The following CNOT1 variants were observed in gnomAD, a reference collection of about 807,000 sequenced individuals.
CNOT1 encodes CCR4-associated factor 1.
CNOT1 carries 15 observed loss-of-function variants against 273.8 expected under a neutral mutation model. The observed-to-expected ratio is 0.05, with a 90% confidence interval of 0.04 to 0.08. The LOEUF is 0.08. CNOT1 is among the 10% of genes least tolerant of loss of function. The pLI is 1.00. For missense variants in CNOT1, 1,644 were observed against 2,912.2 expected (o/e 0.56, Z 10.02); for synonymous variants, 1,022 against 1,005.5 (o/e 1.02, Z -0.31).
At chr16:58,588,656 G>T in intron 3 of CNOT1, 143 bp downstream of exon 3, 1 of 1,129,054 alleles carries the variant, frequency 8.9e-7, no homozygotes. Flanking sequence ...AGAAAAAAAA[G>T]GAAAAATCTA....
At chr16:58,592,429 C>A (rs566460910) in intron 2 of CNOT1, among the ~76,000 whole-genome samples, 1 of 151,924 alleles carries the variant, frequency 6.6e-6, no homozygotes, top group East Asian at 1.9e-4. Flanking sequence ...ATTATATAAA[C>A]AAGCTGGGTG....
chr16:58,545,982 T>C (rs37041), intron 29 of CNOT1, among the ~76,000 whole-genome samples: 37,485 of 152,104 alleles, frequency 0.25, 5,039 homozygotes, highest in East Asian at 0.38. Flanking sequence ...GGTCTGGCCA[T>C]ACCCAGATTT....
intron 1 of CNOT1, among the ~76,000 whole-genome samples, chr16:58,622,755 G>A (rs2043398832): frequency 1.3e-5 from 2 of 151,220 alleles, no homozygotes; most frequent in Non-Finnish European, 2.9e-5. Context: ...GCTGAGGCAG[G>A]ATCGTCTCTT....
At chr16:58,531,655 C>T (rs2039781964) in intron 42 of CNOT1, among the ~76,000 whole-genome samples, 1 of 151,898 alleles carries the variant, frequency 6.6e-6, no homozygotes, top group African/African-American at 2.4e-5. Flanking sequence ...ATAAATCATT[C>T]CTGTATATAA....
intron 21 of CNOT1, among the ~76,000 whole-genome samples, chr16:58,554,217 A>AG (rs1336630901): frequency 6.6e-6 from 1 of 152,152 alleles, no homozygotes; most frequent in African/African-American, 2.4e-5. Context: ...TAAAAAAAAA[A>AG]ACAGACTACT....
chr16:58,561,772 T>A (rs2040849603), intron 16 of CNOT1, among the ~76,000 whole-genome samples: 3 of 152,186 alleles, frequency 2.0e-5, no homozygotes, highest in African/African-American at 7.2e-5. Context: ...AAATGGTTTT[T>A]AAAAAATTTT....
Position 58,626,111 on chromosome 16 carries a change from T to C in CNOT1, c.-175+3617A>G, listed in dbSNP as rs543360215. On this transcript the variant is annotated intron_variant, in intron 1 of 48. Coordinates refer to ENST00000317147, the MANE Select transcript of CNOT1 (RefSeq NM_016284.5). Reference sequence around the variant, plus strand: ...TTGAAAGTCTTTTCTTTTATAAAAGTATATACCAAGTTCAGGCCGGGTGCT... The same window carrying C: ...TTGAAAGTCTTTTCTTTTATAAAAGCATATACCAAGTTCAGGCCGGGTGCT... Among the ~76,000 whole-genome samples, 12 of 152,178 alleles carry C rather than the reference T, an allele frequency of 7.9e-5. No individual in the cohort carries two copies. In the South Asian group the frequency reaches 2.5e-3, roughly 32 times the overall value.
intron 1 of CNOT1, among the ~76,000 whole-genome samples, chr16:58,604,112 G>A (rs924306135): frequency 1.3e-5 from 2 of 152,134 alleles, no homozygotes; most frequent in Admixed American, 6.6e-5. Context: ...ACAATTACAT[G>A]AGAATAGACA....
rs950736232 is a variant in CNOT1 at position 58,557,104 on chromosome 16, CTTACT to C, written c.2333-116_2333-112del. 300 of 1,361,762 alleles carry C rather than the reference CTTACT, an allele frequency of 2.2e-4. 1 individual carries two copies. Among genetic ancestry groups the C allele is most frequent in the Admixed American group, 9.0e-4 (31 of 34,384 alleles). The allele number at this position is 1,361,762 out of a possible 1,614,324, so 84.4% of individuals were successfully genotyped here. On this transcript the variant is annotated intron_variant, in intron 18 of 48. Coordinates refer to ENST00000317147, the MANE Select transcript of CNOT1 (RefSeq NM_016284.5). The stretch of plus-strand genomic sequence containing the variant: ...CTTTTAAAATAAAGTCATAGTAACT[CTTACT>C]TTAAAAGTCAGAGTCTTTGTTAATT...
intron 46 of CNOT1, 103 bp downstream of exon 46, chr16:58,525,076 A>G (rs2039541403): frequency 1.9e-6 from 2 of 1,057,460 alleles, no homozygotes; most frequent in Non-Finnish European, 2.9e-6. Flanking sequence ...CTGACAGAAC[A>G]TTCCTTCACT....
chr16:58,537,765 G>T (rs533421261), intron 38 of CNOT1, 126 bp downstream of exon 38: 1,017 of 1,278,480 alleles, frequency 8.0e-4, no homozygotes, highest in Non-Finnish European at 1.0e-3. Context: ...CCTTACCAAA[G>T]CTACCCACCC....
intron 47 of CNOT1, among the ~76,000 whole-genome samples, chr16:58,521,799 A>AAAAT (rs2039386124): frequency 6.6e-6 from 1 of 151,864 alleles, no homozygotes; most frequent in Non-Finnish European, 1.5e-5. Flanking sequence ...TACAAATATA[A>AAAAT]AAATTAGTCA....
At chr16:58,590,144 T>C (rs896059051) in intron 2 of CNOT1, among the ~76,000 whole-genome samples, 2 of 152,220 alleles carry the variant, frequency 1.3e-5, no homozygotes, top group Admixed American at 6.5e-5. Flanking sequence ...ACATACTACC[T>C]ACACGTTGGG....
At chr16:58,578,040 C>G (rs912892471) in intron 13 of CNOT1, among the ~76,000 whole-genome samples, 6 of 152,206 alleles carry the variant, frequency 3.9e-5, no homozygotes, top group Admixed American at 6.5e-5. Context: ...GCTCTGTGAT[C>G]TCTCATTTCT....
At chr16:58,585,009 A>C (rs1457237488) in intron 8 of CNOT1, among the ~76,000 whole-genome samples, 3 of 152,164 alleles carry the variant, frequency 2.0e-5, no homozygotes, top group Non-Finnish European at 4.4e-5. Context: ...AGTCACATTA[A>C]GTGTAAAGCG....
chr16:58,562,490 C>G (rs1481347691), intron 16 of CNOT1, among the ~76,000 whole-genome samples: 2 of 144,896 alleles, frequency 1.4e-5, no homozygotes, highest in Admixed American at 6.9e-5. Flanking sequence ...AGAGAAAGAA[C>G]AAGACCCTGT....
chr16:58,616,418 GTTT>G, intron 1 of CNOT1, among the ~76,000 whole-genome samples: 1 of 151,676 alleles, frequency 6.6e-6, no homozygotes, highest in East Asian at 1.9e-4. Context: ...CAAGGACTTT[GTTT>G]TTATTTTTTA....
chr16:58,542,152 C>T, intron 33 of CNOT1, 79 bp downstream of exon 33: 12 of 1,536,168 alleles, frequency 7.8e-6, no homozygotes, highest in Middle Eastern at 1.7e-4. Flanking sequence ...TGTCCTAATT[C>T]CAGTAAGGAG....
chr16:58,558,766 T>A (rs1369398971), intron 17 of CNOT1, 92 bp from the exon 18 acceptor site: 2 of 1,506,832 alleles, frequency 1.3e-6, no homozygotes, highest in African/African-American at 1.4e-5. Flanking sequence ...CTTCATAATC[T>A]TAAAAAGCAA....
Sources: allele counts gnomAD v4.1 joint callset (sites outside exome capture counted in the v4.1 genomes callset), GRCh38; gene constraint gnomAD v4.1.1; transcripts MANE v1.5; gene names NCBI Gene and HGNC (gene_info 2026-07-23, HGNC 2026-07-21).